TAFA4: variants seen among roughly 807,000 people sequenced by gnomAD.
TAFA4 encodes the protein chemokine-like protein TAFA-4.
In TAFA4, 20 loss-of-function variants were observed where a neutral mutation model predicts 21.1. The observed-to-expected ratio is 0.95, with a 90% CI of 0.67 to 1.38. The LOEUF is 1.38. Among genes scored for constraint, TAFA4 ranks in the 40% most tolerant of loss-of-function variants. The pLI is 0.00. For missense variants in TAFA4, 211 were observed against 180.9 expected (o/e 1.17, Z -0.95); for synonymous variants, 71 against 67.4 (o/e 1.05, Z -0.26).
intron 4 of TAFA4, among the ~76,000 whole-genome samples, chr3:68,743,518 G>A (rs1010562035): frequency 7.3e-5 from 11 of 150,362 alleles, no homozygotes; most frequent in African/African-American, 1.7e-4. Context: ...AGAGGTTGCA[G>A]TGAGCCGAGA....
intron 3 of TAFA4, among the ~76,000 whole-genome samples, chr3:68,770,080 T>G (rs1010429798): frequency 2.0e-5 from 3 of 152,044 alleles, no homozygotes; most frequent in Admixed American, 2.0e-4. Context: ...AGTCAGGAAA[T>G]CAGATCCATG....
At chr3:68,859,459 A>G (rs574999214) in intron 3 of TAFA4, among the ~76,000 whole-genome samples, 4 of 152,248 alleles carry the variant, frequency 2.6e-5, no homozygotes, top group South Asian at 4.1e-4. Context: ...TGTTTAACAG[A>G]ACTCAGTCTC....
chr3:68,884,534 T>C (rs774787692), intron 2 of TAFA4, among the ~76,000 whole-genome samples: 1 of 152,250 alleles, frequency 6.6e-6, no homozygotes, highest in Non-Finnish European at 1.5e-5. Context: ...TCCGCTCAGT[T>C]TCTCTGACTC....
At chr3:68,799,631 G>A (rs1309763392) in intron 3 of TAFA4, among the ~76,000 whole-genome samples, 2 of 152,192 alleles carry the variant, frequency 1.3e-5, no homozygotes, top group Non-Finnish European at 2.9e-5. Context: ...GGAAGAGGCA[G>A]GAGGATCAGT....
At chr3:68,873,339 C>CAT (rs1411899363) in intron 3 of TAFA4, among the ~76,000 whole-genome samples, 10 of 66,140 alleles carry the variant, frequency 1.5e-4, no homozygotes, top group African/African-American at 5.9e-4. Flanking sequence ...CGCAGACATA[C>CAT]ACACACACAC....
chr3:68,910,013 G>A (rs534837840), intron 1 of TAFA4, among the ~76,000 whole-genome samples: 7 of 152,250 alleles, frequency 4.6e-5, no homozygotes, highest in Admixed American at 6.5e-5. Flanking sequence ...GGTTTTTGCT[G>A]GCTCTAAGCC....
rs2106716580 is a variant in TAFA4 at position 68,732,983 on chromosome 3, G to A, written c.*159C>T. On this transcript the variant is annotated 3_prime_UTR_variant, in exon 6 of 6. Coordinates refer to ENST00000295569, the MANE Select transcript of TAFA4 (RefSeq NM_182522.5). ...TAAAATCACGAAGCAGAGAGGGCTGGGCCAGTTAAGTGAATGCCACCTCTC... is the reference window on the plus strand; with the variant it reads ...TAAAATCACGAAGCAGAGAGGGCTGAGCCAGTTAAGTGAATGCCACCTCTC... The A allele has an allele frequency of 1.2e-6, 1 of 811,460 alleles. No individual in the cohort carries two copies. The highest frequency in any genetic ancestry group is 1.9e-5 in the South Asian group (1 of 52,598). 50.3% of individuals were successfully genotyped at this position (811,460 alleles called of 1,614,324 possible).
intron 3 of TAFA4, among the ~76,000 whole-genome samples, chr3:68,758,600 T>A (rs1195719075): frequency 6.6e-6 from 1 of 152,212 alleles, no homozygotes; most frequent in East Asian, 1.9e-4. Context: ...ATAAATTACC[T>A]AGTTTCCTTC....
rs117967467 is a variant in TAFA4, at chr3:68,878,004, G to A, written c.130+2726C>T. Among the ~76,000 whole-genome samples, 81 of 152,232 alleles carry A rather than the reference G, an allele frequency of 5.3e-4. No individual in the cohort carries two copies. In the East Asian group the frequency reaches 0.015, roughly 28 times the overall value. ...CAGGTTCAGAGAGGTTAAGTGGCCTGGATAAGGCCACACAGCCAGGATGTA... is the reference window on the plus strand; with the variant it reads ...CAGGTTCAGAGAGGTTAAGTGGCCTAGATAAGGCCACACAGCCAGGATGTA... On this transcript the variant is annotated intron_variant, in intron 3 of 5. Coordinates refer to ENST00000295569, the MANE Select transcript of TAFA4 (RefSeq NM_182522.5).
Position 68,885,271 on chromosome 3 carries a change from C to A in TAFA4, c.-83G>T, listed in dbSNP as rs2089659197. On this transcript the variant is annotated 5_prime_UTR_variant, in exon 2 of 6. It removes an upstream start codon present in the reference 5' UTR. Transcript: ENST00000295569. ...ATTCCCATCTGTTGCTAGAACCAATCATTTCTGCCGTTCCAAAAAATTATC... is the reference window on the plus strand; with the variant it reads ...ATTCCCATCTGTTGCTAGAACCAATAATTTCTGCCGTTCCAAAAAATTATC... 4.3e-6 allele frequency: 6 copies of A among 1,379,688 alleles called. No individual in the cohort carries two copies. The highest frequency in any genetic ancestry group is 2.9e-5 in the African/African-American group (2 of 68,836). The allele number at this position is 1,379,688 out of a possible 1,614,324, so 85.5% of individuals were successfully genotyped here. A position where few individuals can be genotyped will look rare whatever the true frequency, so the allele number is the denominator to read the frequency against.
intron 3 of TAFA4, among the ~76,000 whole-genome samples, chr3:68,786,537 G>A (rs536050107): frequency 1.3e-5 from 2 of 152,308 alleles, no homozygotes; most frequent in East Asian, 3.9e-4. Flanking sequence ...ATAGCTAAAT[G>A]TTTATATACA....
At chr3:68,816,631 C>T (rs1326036906) in intron 3 of TAFA4, among the ~76,000 whole-genome samples, 1 of 152,058 alleles carries the variant, frequency 6.6e-6, no homozygotes, top group Admixed American at 6.6e-5. Context: ...TATATAATAT[C>T]ATGTGATCTG....
chr3:68,739,285 C>A, intron 4 of TAFA4, 86 bp from the exon 5 acceptor site: 1 of 1,478,374 alleles, frequency 6.8e-7, no homozygotes, highest in Non-Finnish European at 9.2e-7. Context: ...GAGTAGTACA[C>A]TGAGTTCAAA....
At chr3:68,887,709 G>A (rs994163200) in intron 1 of TAFA4, among the ~76,000 whole-genome samples, 1 of 152,078 alleles carries the variant, frequency 6.6e-6, no homozygotes, top group Non-Finnish European at 1.5e-5. Context: ...TGCTTGAGGG[G>A]TGCTGCATTG....
intron 3 of TAFA4, among the ~76,000 whole-genome samples, chr3:68,873,376 A>ACACACACACACACACACACC (rs1491286222): frequency 7.2e-6 from 1 of 138,456 alleles, no homozygotes. Flanking sequence ...ACACACACAC[A>ACACACACACACACACACACC]CCCTGGGCCA....
At chr3:68,817,493 G>C (rs1704008296) in intron 3 of TAFA4, among the ~76,000 whole-genome samples, 1 of 152,108 alleles carries the variant, frequency 6.6e-6, no homozygotes, top group South Asian at 2.1e-4. Context: ...GTGGTATCTA[G>C]AATGGTGAAT....
intron 3 of TAFA4, among the ~76,000 whole-genome samples, chr3:68,760,835 A>G (rs1170433303): frequency 6.6e-6 from 1 of 152,226 alleles, no homozygotes; most frequent in East Asian, 1.9e-4. Flanking sequence ...CGCAGTGTAG[A>G]AGACGATAGT....
chr3:68,787,880 C>A (rs1308847293), intron 3 of TAFA4, among the ~76,000 whole-genome samples: 1 of 152,152 alleles, frequency 6.6e-6, no homozygotes, highest in Non-Finnish European at 1.5e-5. Context: ...CGATTCCAAC[C>A]CACAGGTGTT....
intron 3 of TAFA4, among the ~76,000 whole-genome samples, chr3:68,862,223 A>C (rs1309898580): frequency 6.6e-6 from 1 of 152,094 alleles, no homozygotes; most frequent in East Asian, 1.9e-4. Context: ...GCAAACGCTC[A>C]CAGCAATTCT....
Sources: gnomAD v4.1 joint callset for allele counts (sites outside exome capture counted in the v4.1 genomes callset) on GRCh38, gnomAD v4.1.1 for gene constraint, MANE v1.5 for transcripts, NCBI Gene and HGNC (gene_info 2026-07-23, HGNC 2026-07-21) for gene names.